The following YY1AP1 variants were observed in gnomAD, a reference collection of about 807,000 sequenced individuals.
YY1AP1 encodes the protein YY1 associated protein 1, also known as YY1-associated protein 1.
In YY1AP1, 43 loss-of-function variants were observed where a neutral mutation model predicts 39.9. The observed-to-expected ratio is 1.08, with a 90% confidence interval of 0.84 to 1.39. The LOEUF is 1.39. Ranked by LOEUF, YY1AP1 falls within the 40% of genes most tolerant of loss-of-function variation. The pLI is 0.00. For missense variants in YY1AP1, 813 were observed against 900.7 expected, an observed-to-expected ratio of 0.90 and a Z score of 1.25; for synonymous variants, 292 against 331.3, an observed-to-expected ratio of 0.88 and a Z score of 1.29.
At position 155,679,465 on chromosome 1, in the gene YY1AP1, T is replaced by C; in HGVS notation, c.69A>G (p.Glu23=). 6.2e-7 allele frequency: 1 copy of C among 1,614,228 alleles called. No homozygotes were observed. The highest frequency in any genetic ancestry group is 8.5e-7 in the Non-Finnish European group (1 of 1,180,034). Residue 23 remains glutamate, a synonymous_variant, in exon 4 of 11, where the codon GAA becomes GAG. Transcript: ENST00000355499. ...GAGGCTCAGCCACACGCTCCTCCTC[T>C]TCTGGGCCATCATCTTCCATGTTGG... The part of the protein sequence containing the change: ...GFSNMEDDGP[E]EEERVAEPQA...
chr1:155,683,686 C>A (rs1571364818), intron 2 of YY1AP1, among the ~76,000 whole-genome samples: 1 of 151,878 alleles, frequency 6.6e-6, no homozygotes, highest in Non-Finnish European at 1.5e-5. Context: ...AAAAAAACAA[C>A]AACAAGTGAA....
chr1:155,663,843 C>G (rs755694175), intron 9 of YY1AP1, among the ~76,000 whole-genome samples: 14 of 152,020 alleles, frequency 9.2e-5, no homozygotes, highest in Non-Finnish European at 1.8e-4. Flanking sequence ...AAAAATCCTG[C>G]ATGCTGTCAG....
upstream of YY1AP1, chr1:155,688,839 G>A: frequency 6.3e-7 from 1 of 1,586,774 alleles, no homozygotes; most frequent in South Asian, 1.1e-5. Context: ...GCGGCTGCAG[G>A]GGCAGGAGAG....
intron 6 of YY1AP1, among the ~76,000 whole-genome samples, chr1:155,673,072 G>GC (rs1384944094): frequency 6.6e-6 from 1 of 152,162 alleles, no homozygotes; most frequent in African/African-American, 2.4e-5. Flanking sequence ...AGGCTGGACT[G>GC]CAGTGGCATG....
rs749300412 is a variant in YY1AP1, at chr1:155,676,462, C to T, written c.324+86G>A. 231 of 1,516,982 alleles carry T rather than the reference C, an allele frequency of 1.5e-4. 1 individual carries two copies. The highest frequency in any genetic ancestry group is 2.0e-4 in the Non-Finnish European group (224 of 1,097,672). The allele number at this position is 1,516,982 out of a possible 1,614,324, so 94.0% of individuals were successfully genotyped here. On this transcript the variant is annotated intron_variant, in intron 5 of 10. Coordinates refer to ENST00000355499, the MANE Select transcript of YY1AP1 (RefSeq NM_139119.3). ...GTAAGGTAACTATCTCTGACATTTA[C>T]AAAGCTGCTAATTTTAGATTATACC...
chr1:155,660,835 T>A lies in YY1AP1; in HGVS notation c.1075A>T (p.Thr359Ser), dbSNP rs1428479504. ...AGGCCTTGATCTGAGTTGATCTCAG[T>A]GGTTCCAGTCATATTTCCTACCTCT... ...AREVGNMTGT[T>S]EINSDQGLEK... The change falls in exon 11 of 11, where the codon ACT becomes TCT. Residue 359 changes from threonine (T) to serine (S), a missense_variant. Coordinates refer to ENST00000355499, the MANE Select transcript of YY1AP1 (RefSeq NM_139119.3). 1 of 1,614,134 alleles carries A rather than the reference T, an allele frequency of 6.2e-7. No individual in the cohort carries two copies. Among genetic ancestry groups the A allele is most frequent in the East Asian group, 2.2e-5 (1 of 44,898 alleles).
intron 9 of YY1AP1, among the ~76,000 whole-genome samples, chr1:155,667,149 G>A (rs1163779337): frequency 6.6e-6 from 1 of 152,216 alleles, no homozygotes; most frequent in Non-Finnish European, 1.5e-5. Flanking sequence ...CTATACCACT[G>A]TACTCCAGCC....
chr1:155,668,873 C>T, intron 8 of YY1AP1, 96 bp from the exon 9 acceptor site: 1 of 1,577,796 alleles, frequency 6.3e-7, no homozygotes, highest in South Asian at 1.1e-5. Context: ...CTTTTTCTTA[C>T]TTGTTCTTAA....
intron 2 of YY1AP1, among the ~76,000 whole-genome samples, chr1:155,684,014 G>C (rs1241558395): frequency 6.6e-6 from 1 of 152,190 alleles, no homozygotes; most frequent in Non-Finnish European, 1.5e-5. Flanking sequence ...TTGGAAGGCC[G>C]AGACGGCTGG....
intron 8 of YY1AP1, 88 bp from the exon 9 acceptor site, chr1:155,668,865 T>C: frequency 6.3e-7 from 1 of 1,591,648 alleles, no homozygotes; most frequent in Middle Eastern, 1.7e-4. Context: ...ACAATCTACT[T>C]TTTCTTACTT....
chr1:155,666,962 T>G (rs1649103713), intron 9 of YY1AP1, among the ~76,000 whole-genome samples: 1 of 152,110 alleles, frequency 6.6e-6, no homozygotes, highest in Non-Finnish European at 1.5e-5. Context: ...ATTGTGCCAC[T>G]GCACTCCAGC....
chr1:155,664,089 G>C (rs1416455025), intron 9 of YY1AP1, among the ~76,000 whole-genome samples: 1 of 149,568 alleles, frequency 6.7e-6, no homozygotes, highest in East Asian at 2.0e-4. Context: ...ATTTAGCCAC[G>C]CTCCAAACTG....
chr1:155,674,345 T>C (rs1471870272), intron 6 of YY1AP1, among the ~76,000 whole-genome samples: 1 of 152,080 alleles, frequency 6.6e-6, no homozygotes, highest in African/African-American at 2.4e-5. Context: ...GACCGGGTCT[T>C]ACTATGTTGC....
chr1:155,687,850 C>A, intron 2 of YY1AP1: 1 of 517,218 alleles, frequency 1.9e-6, no homozygotes, highest in Admixed American at 3.5e-5. Context: ...TACTTCCCAG[C>A]CCCCTCCGGG....
intron 6 of YY1AP1, 64 bp from the exon 7 acceptor site, chr1:155,672,795 A>G: frequency 6.2e-7 from 1 of 1,612,450 alleles, no homozygotes; most frequent in South Asian, 1.1e-5. Context: ...AATAGCCTTC[A>G]GAATCTAAAT....
In YY1AP1 at chr1:155,688,651, A is replaced by C. The variant is rs1343436158; in HGVS notation, c.-152+8T>G. ...CAAGCCGGCTCCAGCGCAGGCCCTC[A>C]CGCGTACCTTCAGCGGCGCGAGCCC... On this transcript the variant is annotated splice_region_variant and intron_variant, in intron 1 of 10. Transcript: ENST00000355499. 6.5e-7 allele frequency: 1 copy of C among 1,532,916 alleles called. No individual in the cohort carries two copies. The highest frequency in any genetic ancestry group is 1.4e-5 in the African/African-American group (1 of 72,608). The allele number at this position is 1,532,916 out of a possible 1,614,324, so 95.0% of individuals were successfully genotyped here. A position where few individuals can be genotyped will look rare whatever the true frequency, so the allele number is the denominator to read the frequency against.
intron 9 of YY1AP1, among the ~76,000 whole-genome samples, chr1:155,665,943 G>A (rs1486844410): frequency 6.6e-6 from 1 of 152,074 alleles, no homozygotes; most frequent in Non-Finnish European, 1.5e-5. Flanking sequence ...AGAGCAACAC[G>A]CTTAAAGTGG....
chr1:155,675,962 G>A (rs760618377), intron 5 of YY1AP1, among the ~76,000 whole-genome samples: 1 of 152,146 alleles, frequency 6.6e-6, no homozygotes, highest in African/African-American at 2.4e-5. Flanking sequence ...AGTGACTCAC[G>A]CGTGTAATCC....
At chr1:155,677,345 C>A (rs941409484) in intron 4 of YY1AP1, among the ~76,000 whole-genome samples, 1 of 152,174 alleles carries the variant, frequency 6.6e-6, no homozygotes, top group African/African-American at 2.4e-5. Context: ...AGGTTCCTAA[C>A]CCTAACTTCC....
Sources: allele counts gnomAD v4.1 joint callset (sites outside exome capture counted in the v4.1 genomes callset), GRCh38; gene constraint gnomAD v4.1.1; transcripts MANE v1.5; gene names NCBI Gene and HGNC (gene_info 2026-07-23, HGNC 2026-07-21).